The following SIN3A variants were observed in gnomAD, a reference collection of about 807,000 sequenced individuals.
The protein encoded by SIN3A is paired amphipathic helix protein Sin3a.
SIN3A carries 14 observed loss-of-function variants against 146.1 expected under a neutral mutation model. The ratio of observed to expected loss-of-function variants is 0.10; its 90% CI spans 0.06 to 0.15. SIN3A has a LOEUF of 0.15. SIN3A is among the 10% of genes least tolerant of loss of function. The pLI is 1.00. For missense variants in SIN3A, 1,028 were observed against 1,576.0 expected (o/e 0.65, Z 5.89); for synonymous variants, 572 against 572.0 (o/e 1.00, Z 0.00).
intron 3 of SIN3A, among the ~76,000 whole-genome samples, chr15:75,418,562 T>G (rs1252238012): frequency 6.6e-6 from 1 of 151,836 alleles, no homozygotes; most frequent in African/African-American, 2.4e-5. Context: ...TCAAATGATC[T>G]GCCCTCCTCA....
intron 1 of SIN3A, among the ~76,000 whole-genome samples, chr15:75,448,733 C>T (rs773559780): frequency 6.6e-6 from 1 of 152,120 alleles, no homozygotes; most frequent in Non-Finnish European, 1.5e-5. Context: ...AGGGATATAA[C>T]CTCTTAATTC....
intron 16 of SIN3A, among the ~76,000 whole-genome samples, chr15:75,389,068 G>A (rs903545193): frequency 2.6e-5 from 4 of 152,158 alleles, no homozygotes; most frequent in Non-Finnish European, 4.4e-5. Context: ...AGAGGGAACC[G>A]CAGATGAGTG....
chr15:75,450,796 G>A (rs572272477), intron 1 of SIN3A, among the ~76,000 whole-genome samples: 1 of 152,144 alleles, frequency 6.6e-6, no homozygotes, highest in South Asian at 2.1e-4. Context: ...TCTAGGCGCC[G>A]AGACTCCCAG....
chr15:75,409,798 T>C, intron 8 of SIN3A, 38 bp downstream of exon 8: 1 of 1,602,972 alleles, frequency 6.2e-7, no homozygotes, highest in Non-Finnish European at 8.5e-7. Context: ...TAGAAATACT[T>C]GTGAGTGTCA....
At chr15:75,380,561 G>T in intron 19 of SIN3A, 68 bp downstream of exon 19, 1 of 1,170,950 alleles carries the variant, frequency 8.5e-7, no homozygotes, top group Non-Finnish European at 1.3e-6. Context: ...GAACGTGAAA[G>T]TCATTTAACT....
At chr15:75,423,041 T>G (rs1023997700) in intron 2 of SIN3A, among the ~76,000 whole-genome samples, 1 of 151,690 alleles carries the variant, frequency 6.6e-6, no homozygotes, top group Non-Finnish European at 1.5e-5. Context: ...GCATTCCAGC[T>G]TGGGCCACAG....
chr15:75,376,206 G>T, intron 19 of SIN3A: 1 of 343,026 alleles, frequency 2.9e-6, no homozygotes, highest in Non-Finnish European at 5.4e-6. Context: ...AGACAAAATA[G>T]GATCATACTA....
At chr15:75,445,462 G>A (rs965471599) in intron 1 of SIN3A, among the ~76,000 whole-genome samples, 2 of 151,128 alleles carry the variant, frequency 1.3e-5, no homozygotes, top group African/African-American at 4.9e-5. Flanking sequence ...GGCTAAGGCA[G>A]AAGAATCACT....
chr15:75,451,207 C>T (rs1406872177), intron 1 of SIN3A, among the ~76,000 whole-genome samples: 1 of 145,340 alleles, frequency 6.9e-6, no homozygotes, highest in Non-Finnish European at 1.5e-5. Flanking sequence ...AGCCCGCCCC[C>T]CTCCGCGCGC....
intron 9 of SIN3A, among the ~76,000 whole-genome samples, chr15:75,406,423 C>A (rs998250192): frequency 6.6e-6 from 1 of 152,216 alleles, no homozygotes; most frequent in African/African-American, 2.4e-5. Flanking sequence ...CGCGGTGGCT[C>A]ACGCCTGTAA....
chr15:75,400,500 G>A (rs2141453722), intron 11 of SIN3A, among the ~76,000 whole-genome samples: 1 of 152,276 alleles, frequency 6.6e-6, no homozygotes. Context: ...TTTGAGCCCA[G>A]GAGGTTGAGG....
chr15:75,438,962 G>C (rs553014997), intron 1 of SIN3A, among the ~76,000 whole-genome samples: 4 of 152,216 alleles, frequency 2.6e-5, no homozygotes, highest in African/African-American at 9.6e-5. Flanking sequence ...AGAATGAAAG[G>C]CACTCTATTT....
intron 1 of SIN3A, among the ~76,000 whole-genome samples, chr15:75,444,188 G>A (rs577103657): frequency 2.6e-5 from 4 of 152,234 alleles, no homozygotes; most frequent in Non-Finnish European, 4.4e-5. Context: ...TTTCAGGCTG[G>A]GCATGGTGAC....
At chr15:75,438,873 G>C (rs1004216448) in intron 1 of SIN3A, among the ~76,000 whole-genome samples, 1 of 152,168 alleles carries the variant, frequency 6.6e-6, no homozygotes, top group Non-Finnish European at 1.5e-5. Flanking sequence ...TCAACCCAGT[G>C]CAATTTTGAG....
At chr15:75,405,041 G>C (rs1382627731) in intron 9 of SIN3A, among the ~76,000 whole-genome samples, 8 of 151,882 alleles carry the variant, frequency 5.3e-5, no homozygotes, top group African/African-American at 1.7e-4. Flanking sequence ...CAGCTACTCA[G>C]GAGGGTAAGA....
chr15:75,403,906 T>TAC (rs1217345349), intron 9 of SIN3A, among the ~76,000 whole-genome samples: 6 of 152,330 alleles, frequency 3.9e-5, no homozygotes, highest in African/African-American at 1.4e-4. Flanking sequence ...TAAACTCTGG[T>TAC]AATCTGGAAT....
At chr15:75,419,254 T>C (rs1488762272) in intron 3 of SIN3A, 1 of 152,182 alleles carries the variant, frequency 6.6e-6, no homozygotes, top group Non-Finnish European at 1.5e-5. Context: ...GAACTTTCCA[T>C]ACTAAAATGT....
At chr15:75,448,165 A>T (rs2074339329) in intron 1 of SIN3A, 1 of 143,764 alleles carries the variant, frequency 7.0e-6, no homozygotes, top group Non-Finnish European at 1.5e-5. Flanking sequence ...TGACAGAGCG[A>T]GACTTCGTCT....
Position 75,396,283 on chromosome 15 carries a change from T to C in SIN3A, c.2068A>G (p.Ile690Val), listed in dbSNP as rs750716364. ...CTTTTAAGGACAATTGGAACAGCAA[T>C]GGAGGGATTCTTTCTCAGACCATCA... ...IIDGLRKNPS[I>V]AVPIVLKRLK... The change falls in exon 13 of 21, where the codon ATT becomes GTT. Residue 690 changes from isoleucine (I) to valine (V), a missense_variant. Transcript: ENST00000394947. 2 of 1,613,970 alleles carry C rather than the reference T, an allele frequency of 1.2e-6. No homozygotes were observed. Among genetic ancestry groups the C allele is most frequent in the Admixed American group, 1.7e-5 (1 of 60,030 alleles).
Sources: gnomAD v4.1 joint callset for allele counts (sites outside exome capture counted in the v4.1 genomes callset) on GRCh38, gnomAD v4.1.1 for gene constraint, MANE v1.5 for transcripts, NCBI Gene and HGNC (gene_info 2026-07-23, HGNC 2026-07-21) for gene names.